Variants in STARD13 observed in about 807,000 individuals in gnomAD.
STARD13 encodes the protein stAR-related lipid transfer protein 13.
A neutral mutation model predicts 106.4 loss-of-function variants in STARD13; 62 were observed. The ratio of observed to expected loss-of-function variants is 0.58; its 90% CI spans 0.48 to 0.72. The LOEUF is 0.72. STARD13 is among the 30% of genes least tolerant of loss of function. The pLI is 0.00. For missense variants in STARD13, 1,387 were observed against 1,424.0 expected, an observed-to-expected ratio of 0.97 and a Z score of 0.42; for synonymous variants, 565 against 553.0, an observed-to-expected ratio of 1.02 and a Z score of -0.31.
chr13:33,139,491 A>T (rs1396462325), intron 4 of STARD13, among the ~76,000 whole-genome samples: 3 of 152,156 alleles, frequency 2.0e-5, no homozygotes, highest in Non-Finnish European at 4.4e-5. Context: ...AATGATTGTG[A>T]CCCCAGACAG....
In STARD13 at chr13:33,317,425, T is replaced by C. The variant is rs540111638; in HGVS notation, c.124+32865A>G. 2.3e-4 allele frequency among the ~76,000 whole-genome samples: 35 copies of C among 152,252 alleles called. 2 individuals carry two copies. In the South Asian group the frequency reaches 7.1e-3, roughly 31 times the overall value. ...AAATGCACTCCAATCACACCATGTC[T>C]CATTACTTCCTGTTTCAAGCACTAT... On this transcript the variant is annotated intron_variant, in intron 1 of 5. Coordinates refer to the STARD13 transcript ENST00000567873.
intron 3 of STARD13, chr13:33,158,912 C>CCCGG (rs1318260125): frequency 5.3e-5 from 8 of 152,370 alleles, no homozygotes; most frequent in African/African-American, 1.9e-4. Context: ...TTTGATCCAC[C>CCCGG]CCGGGTATGA....
chr13:33,115,656 C>T (rs1192654724), intron 8 of STARD13, among the ~76,000 whole-genome samples: 3 of 152,190 alleles, frequency 2.0e-5, no homozygotes, highest in Non-Finnish European at 4.4e-5. Flanking sequence ...AAACTGGTAA[C>T]CCAGGTCTTC....
intron 1 of STARD13, among the ~76,000 whole-genome samples, chr13:33,225,353 A>G (rs1421099932): frequency 6.6e-6 from 1 of 152,196 alleles, no homozygotes; most frequent in East Asian, 1.9e-4. Context: ...TATTGCTATC[A>G]ACAAGTCAGT....
chr13:33,271,811 A>C (rs1324247117), intron 1 of STARD13, among the ~76,000 whole-genome samples: 1 of 151,934 alleles, frequency 6.6e-6, no homozygotes, highest in Non-Finnish European at 1.5e-5. Context: ...AATGATGGGA[A>C]AAAAAAAGCA....
chr13:33,454,094 T>C, the STARD13 span, among the ~76,000 whole-genome samples: 4 of 152,200 alleles, frequency 2.6e-5, no homozygotes, highest in Non-Finnish European at 5.9e-5. Context: ...ACTGTTCAGA[T>C]ATTTTGCTAC....
At chr13:33,655,753 C>G in the STARD13 span, among the ~76,000 whole-genome samples, 1 of 152,124 alleles carries the variant, frequency 6.6e-6, no homozygotes, top group African/African-American at 2.4e-5. Context: ...AATGAATTCA[C>G]AAATGCAAAT....
chr13:33,573,851 T>G, the STARD13 span, among the ~76,000 whole-genome samples: 3 of 152,192 alleles, frequency 2.0e-5, no homozygotes, highest in Non-Finnish European at 4.4e-5. Flanking sequence ...CCTGTGACCC[T>G]GTCTTCAGGC....
At chr13:33,113,207 G>T (rs1428807337) in intron 8 of STARD13, 4 of 479,218 alleles carry the variant, frequency 8.3e-6, no homozygotes, top group Non-Finnish European at 1.5e-5. Context: ...CCACCATCCT[G>T]GTTTTCTGTA....
At chr13:33,193,019 A>T (rs1441928651) in intron 1 of STARD13, among the ~76,000 whole-genome samples, 1 of 152,236 alleles carries the variant, frequency 6.6e-6, no homozygotes, top group African/African-American at 2.4e-5. Context: ...TTTTGCTCAA[A>T]TTCTAGCCCT....
chr13:33,637,288 C>T, the STARD13 span, among the ~76,000 whole-genome samples: 708 of 152,226 alleles, frequency 4.7e-3, 5 homozygotes, highest in African/African-American at 0.014. Flanking sequence ...TCAACAAAGT[C>T]GGGTGGCCTG....
At chr13:33,177,484 A>C (rs1190392349) in intron 1 of STARD13, among the ~76,000 whole-genome samples, 1 of 152,120 alleles carries the variant, frequency 6.6e-6, no homozygotes, top group Non-Finnish European at 1.5e-5. Flanking sequence ...CTAGTTACAC[A>C]ATTCTGGCAT....
intron 1 of STARD13, among the ~76,000 whole-genome samples, chr13:33,204,828 A>G (rs1887299476): frequency 6.6e-6 from 1 of 152,262 alleles, no homozygotes; most frequent in Non-Finnish European, 1.5e-5. Flanking sequence ...TCTGACATCC[A>G]TATTGGGCCA....
the STARD13 span, among the ~76,000 whole-genome samples, chr13:33,564,339 GAT>G: frequency 6.9e-6 from 1 of 145,598 alleles, no homozygotes; most frequent in Non-Finnish European, 1.5e-5. Context: ...AAAACAAGGA[GAT>G]ATCATGTTAT....
At chr13:33,471,595 G>A in the STARD13 span, among the ~76,000 whole-genome samples, 1 of 150,688 alleles carries the variant, frequency 6.6e-6, no homozygotes, top group East Asian at 1.9e-4. Context: ...TTGATTACCA[G>A]AGTAGATACA....
chr13:33,115,959 G>A (rs1247574796), intron 8 of STARD13, among the ~76,000 whole-genome samples: 3 of 152,324 alleles, frequency 2.0e-5, no homozygotes, highest in Middle Eastern at 3.4e-3. Flanking sequence ...ATAATAAAAT[G>A]TACTTATTGT....
chr13:33,111,059 C>T, intron 10 of STARD13, 152 bp from the exon 11 acceptor site: 1 of 635,126 alleles, frequency 1.6e-6, no homozygotes, highest in South Asian at 1.9e-5. Flanking sequence ...ATTGCCAAGG[C>T]CGGGAGGGGC....
intron 9 of STARD13, among the ~76,000 whole-genome samples, chr13:33,112,244 A>C (rs1047795302): frequency 1.3e-5 from 2 of 152,070 alleles, no homozygotes; most frequent in African/African-American, 4.8e-5. Flanking sequence ...TTTCCTCCTC[A>C]CTCACACAGA....
chr13:33,228,267 C>T (rs1888723162), intron 1 of STARD13, among the ~76,000 whole-genome samples: 1 of 152,140 alleles, frequency 6.6e-6, no homozygotes, highest in Non-Finnish European at 1.5e-5. Context: ...TGCCTCTGGA[C>T]CACATTACTC....
Sources: gnomAD v4.1 joint callset for allele counts (sites outside exome capture counted in the v4.1 genomes callset) on GRCh38, gnomAD v4.1.1 for gene constraint, MANE v1.5 for transcripts, NCBI Gene and HGNC (gene_info 2026-07-23, HGNC 2026-07-21) for gene names.